TSNAX: variants seen among roughly 807,000 people sequenced by gnomAD.
The protein encoded by TSNAX is translin-associated protein X.
Under a neutral mutation model 33.0 loss-of-function variants are expected in TSNAX, and 12 were observed. The ratio of observed to expected loss-of-function variants is 0.36; its 90% CI spans 0.23 to 0.59. The LOEUF (loss-of-function observed/expected upper bound fraction) is 0.59, where lower values mean the gene tolerates loss of function less well. Ranked by LOEUF, TSNAX falls within the 20% of genes least tolerant of loss-of-function variation. TSNAX has a pLI of 0.74. For missense variants in TSNAX, 267 were observed against 341.3 expected (o/e 0.78, Z 1.72); for synonymous variants, 110 against 117.2 (o/e 0.94, Z 0.40).
intron 2 of TSNAX, among the ~76,000 whole-genome samples, chr1:231,531,576 C>T (rs1057022290): frequency 4.6e-5 from 7 of 152,108 alleles, no homozygotes; most frequent in Admixed American, 1.3e-4. Flanking sequence ...ATTAATATAG[C>T]CATAATAAAT....
chr1:231,552,390 A>G (rs1049600261), intron 4 of TSNAX, among the ~76,000 whole-genome samples: 1 of 152,220 alleles, frequency 6.6e-6, no homozygotes. Flanking sequence ...CACATACTTT[A>G]CAAAGCTGAG....
chr1:231,556,624 A>T (rs1276589186), intron 4 of TSNAX, among the ~76,000 whole-genome samples: 1 of 152,216 alleles, frequency 6.6e-6, no homozygotes, highest in East Asian at 1.9e-4. Flanking sequence ...ATTTAATATT[A>T]TTCAAGGCTC....
chr1:231,550,705 G>A (rs941083821), intron 4 of TSNAX, among the ~76,000 whole-genome samples: 2 of 151,860 alleles, frequency 1.3e-5, no homozygotes, highest in Non-Finnish European at 2.9e-5. Flanking sequence ...TACTCCTTTC[G>A]TCCCCTATTG....
intron 5 of TSNAX, among the ~76,000 whole-genome samples, chr1:231,562,321 T>A (rs1401306462): frequency 1.3e-5 from 2 of 151,814 alleles, no homozygotes; most frequent in African/African-American, 4.8e-5. Context: ...GTAGAAATAA[T>A]ATTTTCTTGA....
intron 4 of TSNAX, among the ~76,000 whole-genome samples, chr1:231,549,608 G>A (rs1423076970): frequency 6.6e-6 from 1 of 152,162 alleles, no homozygotes; most frequent in African/African-American, 2.4e-5. Context: ...GGTTTGGGTC[G>A]TGCTCATTAT....
At chr1:231,534,967 A>C (rs1659062317) in intron 2 of TSNAX, 1 of 152,234 alleles carries the variant, frequency 6.6e-6, no homozygotes, top group Non-Finnish European at 1.5e-5. Flanking sequence ...ATTCTTAAGC[A>C]GTCCTTGAGC....
chr1:231,538,558 G>T (rs528748842), intron 3 of TSNAX, among the ~76,000 whole-genome samples: 1 of 152,144 alleles, frequency 6.6e-6, no homozygotes, highest in East Asian at 1.9e-4. Context: ...CCCAGCTTAC[G>T]TGTTTTAGTC....
intron 2 of TSNAX, among the ~76,000 whole-genome samples, chr1:231,532,131 A>AACACACACACACACACAC (rs745744924): frequency 0.022 from 1,842 of 85,068 alleles, 96 homozygotes; most frequent in East Asian, 0.044. Context: ...TAGTGGTAAT[A>AACACACACACACACACAC]ACACACACAC....
chr1:231,555,632 A>G (rs989152668), intron 4 of TSNAX, among the ~76,000 whole-genome samples: 3 of 152,322 alleles, frequency 2.0e-5, no homozygotes, highest in Admixed American at 1.3e-4. Flanking sequence ...TTTTAAAAAA[A>G]TCAAACGAAT....
chr1:231,562,666 T>A (rs1661190696), intron 5 of TSNAX, among the ~76,000 whole-genome samples: 1 of 152,166 alleles, frequency 6.6e-6, no homozygotes, highest in Non-Finnish European at 1.5e-5. Flanking sequence ...GGTACCAGAT[T>A]ATTTTAAGAT....
At chr1:231,548,571 A>G (rs1354062624) in intron 4 of TSNAX, among the ~76,000 whole-genome samples, 2 of 152,162 alleles carry the variant, frequency 1.3e-5, no homozygotes, top group South Asian at 4.1e-4. Context: ...TTTTTAGAAG[A>G]CAGTTTATTT....
intron 5 of TSNAX, among the ~76,000 whole-genome samples, chr1:231,561,859 T>A (rs1180514244): frequency 1.3e-5 from 2 of 152,200 alleles, no homozygotes; most frequent in Admixed American, 1.3e-4. Flanking sequence ...ACACGTAATA[T>A]ACATTATATA....
At chr1:231,530,662 G>T (rs1436568394) in intron 2 of TSNAX, among the ~76,000 whole-genome samples, 4 of 149,932 alleles carry the variant, frequency 2.7e-5, no homozygotes, top group Non-Finnish European at 4.4e-5. Flanking sequence ...AGTGAGCCGA[G>T]ATCGTGCCAC....
At chr1:231,537,991 A>G (rs986690193) in intron 3 of TSNAX, among the ~76,000 whole-genome samples, 1 of 152,206 alleles carries the variant, frequency 6.6e-6, no homozygotes, top group Non-Finnish European at 1.5e-5. Context: ...TTTTGAACTC[A>G]TGGCAGTCTG....
chr1:231,532,400 C>A (rs1035442821), intron 2 of TSNAX, among the ~76,000 whole-genome samples: 1 of 151,598 alleles, frequency 6.6e-6, no homozygotes, highest in East Asian at 1.9e-4. Context: ...ACTGTGTTGC[C>A]CCTGCTGGTC....
intron 4 of TSNAX, among the ~76,000 whole-genome samples, chr1:231,557,494 G>A (rs1385398261): frequency 6.6e-6 from 1 of 152,212 alleles, no homozygotes; most frequent in East Asian, 1.9e-4. Context: ...AAGCTAGATT[G>A]AAGTAGGTTG....
intron 4 of TSNAX, among the ~76,000 whole-genome samples, chr1:231,549,552 T>C (rs75985677): frequency 0.01 from 1,526 of 152,362 alleles, 11 homozygotes; most frequent in Non-Finnish European, 0.016. Context: ...TAATCCTTTC[T>C]GTATAGCAAT....
intron 3 of TSNAX, among the ~76,000 whole-genome samples, chr1:231,538,000 T>C (rs1308561065): frequency 6.6e-6 from 1 of 152,216 alleles, no homozygotes; most frequent in East Asian, 1.9e-4. Flanking sequence ...CATGGCAGTC[T>C]GGCTTTCTGC....
chr1:231,541,964 A>G (rs1310102437), intron 3 of TSNAX, among the ~76,000 whole-genome samples: 2 of 151,486 alleles, frequency 1.3e-5, no homozygotes, highest in African/African-American at 4.9e-5. Context: ...AAAACTCCCA[A>G]CTCCTTTTCT....
Sources: allele counts gnomAD v4.1 joint callset (sites outside exome capture counted in the v4.1 genomes callset), GRCh38; gene constraint gnomAD v4.1.1; transcripts MANE v1.5; gene names NCBI Gene and HGNC (gene_info 2026-07-23, HGNC 2026-07-21).